Variants in LCA5L observed in about 807,000 individuals in gnomAD.
LCA5L encodes lebercilin-like protein.
A neutral mutation model predicts 45.4 loss-of-function variants in LCA5L; 35 were observed. The observed-to-expected ratio is 0.77, with a 90% CI of 0.59 to 1.02. The LOEUF is 1.02. Among genes scored for constraint, LCA5L ranks in the 50% least tolerant of loss-of-function variants. LCA5L has a pLI of 0.00. For synonymous variants in LCA5L, 233 were observed against 264.7 expected (o/e 0.88, Z 1.16); for missense variants, 668 against 761.6 (o/e 0.88, Z 1.45).
intron 3 of LCA5L, among the ~76,000 whole-genome samples, chr21:39,429,844 C>T (rs370859617): frequency 5.9e-5 from 9 of 152,190 alleles, no homozygotes; most frequent in East Asian, 5.8e-4. Context: ...ATGGCGAAAC[C>T]GTCTCTACAA....
Position 39,405,960 on chromosome 21 carries a change from G to A in LCA5L, c.1935C>T (p.Phe645=), listed in dbSNP as rs544366531. The change falls in exon 11 of 11, where the codon TTC becomes TTT. Residue 645 remains phenylalanine, a synonymous_variant. Coordinates refer to ENST00000288350, the MANE Select transcript of LCA5L (RefSeq NM_152505.4). ...PPSQASTSHA[F]GDSKVTVVNS... ...TTACCACAGTTACTTTAGAGTCTCC[G>A]AAAGCATGGCTGGTGGAGGCCTGAC... 64 of 1,613,978 alleles carry A rather than the reference G, an allele frequency of 4.0e-5. No individual in the cohort carries two copies. Among genetic ancestry groups the A allele is most frequent in the Middle Eastern group, 1.7e-4 (1 of 6,060 alleles).
intron 8 of LCA5L, chr21:39,411,259 A>G: frequency 4.8e-6 from 1 of 208,636 alleles, no homozygotes; most frequent in Non-Finnish European, 9.8e-6. Context: ...CTTCCTGGGG[A>G]GGTGGAAATA....
intron 7 of LCA5L, among the ~76,000 whole-genome samples, chr21:39,415,242 G>A (rs1334238151): frequency 6.6e-6 from 1 of 152,098 alleles, no homozygotes; most frequent in East Asian, 1.9e-4. Context: ...TGGGGCTTTG[G>A]CAGGGAGGGA....
At chr21:39,436,049 A>G (rs2076256444) in intron 2 of LCA5L, 1 of 152,226 alleles carries the variant, frequency 6.6e-6, no homozygotes, top group Non-Finnish European at 1.5e-5. Context: ...GGAGCCATAC[A>G]CAGCAGTGCC....
intron 5 of LCA5L, among the ~76,000 whole-genome samples, chr21:39,424,571 T>C (rs1047165593): frequency 6.6e-6 from 1 of 152,240 alleles, no homozygotes; most frequent in Non-Finnish European, 1.5e-5. Context: ...TTCTGTAGAT[T>C]ATCTGATGTA....
chr21:39,429,052 C>T (rs2075359693), intron 4 of LCA5L, 79 bp downstream of exon 4: 1 of 152,216 alleles, frequency 6.6e-6, no homozygotes. Context: ...AGTTACAAAG[C>T]AGATGGTTCT....
At chr21:39,438,468 C>T (rs965460074) in intron 2 of LCA5L, among the ~76,000 whole-genome samples, 2 of 152,116 alleles carry the variant, frequency 1.3e-5, no homozygotes, top group East Asian at 3.9e-4. Flanking sequence ...TATAAAACTT[C>T]CTTATAATTA....
chr21:39,412,632 G>A (rs779699978), intron 7 of LCA5L, among the ~76,000 whole-genome samples: 45 of 151,970 alleles, frequency 3.0e-4, no homozygotes, highest in Non-Finnish European at 5.0e-4. Context: ...GGGGTGGGGC[G>A]GGGAGAGAGA....
At chr21:39,422,804 C>T in intron 6 of LCA5L, 172 bp downstream of exon 6, 1 of 640,464 alleles carries the variant, frequency 1.6e-6, no homozygotes, top group Admixed American at 3.3e-5. Context: ...GTTTTTCCTT[C>T]AAACCACTCC....
chr21:39,406,592 G>A lies in LCA5L; in HGVS notation c.1303C>T (p.His435Tyr), dbSNP rs755761670. 2.5e-6 allele frequency: 4 copies of A among 1,583,974 alleles called. No individual in the cohort carries two copies. The East Asian group carries it at 8.9e-5, about 35-fold the overall frequency. Residue 435 changes from histidine to tyrosine, a missense_variant, in exon 11 of 11, where the codon CAT becomes TAT. Coordinates refer to ENST00000288350, the MANE Select transcript of LCA5L (RefSeq NM_152505.4). ...TCCAGCAGTATTTGGACTTCCAAAT[G>A]TTTCTCTTCCCCTGATAAATCTATA... is the stretch of plus-strand genomic sequence containing the variant. ...KYEDLSGEEK[H>Y]LEVQILLENT...
intron 2 of LCA5L, among the ~76,000 whole-genome samples, chr21:39,442,440 A>T (rs1209062845): frequency 2.6e-5 from 4 of 152,176 alleles, no homozygotes; most frequent in Admixed American, 6.5e-5. Context: ...TGGCATAATC[A>T]GCTCTGCCTT....
intron 3 of LCA5L, among the ~76,000 whole-genome samples, chr21:39,432,683 C>G (rs2075861436): frequency 6.6e-6 from 1 of 152,216 alleles, no homozygotes; most frequent in African/African-American, 2.4e-5. Flanking sequence ...GCGCCTCACT[C>G]CCAACCCAGG....
Position 39,410,009 on chromosome 21 carries a change from T to C in LCA5L, c.1252A>G (p.Lys418Glu), listed in dbSNP as rs558972566. ...EIPHCVNKLP[K>E]QEDSKRKYED... ...TATTTTCTCTTAGAATCCTCTTGCT[T>C]TGGTAGTTTATTCACACAGTGAGGA... Residue 418 changes from lysine (K) to glutamate (E), a missense_variant, in exon 10 of 11, where the codon AAG (lysine) becomes GAG (glutamate). Physicochemically the swap from Lys to Glu is moderately conservative, Grantham distance 56 (BLOSUM62 1). Coordinates refer to ENST00000288350, the MANE Select transcript of LCA5L (RefSeq NM_152505.4). 2 of 1,583,908 alleles carry C rather than the reference T, an allele frequency of 1.3e-6. No homozygotes were observed. Among genetic ancestry groups the C allele is most frequent in the Admixed American group, 3.4e-5 (2 of 59,514 alleles).
At chr21:39,420,522 C>CAAAAAAAAAAAAAAAAAAAAAAAAA (rs397972848) in intron 7 of LCA5L, among the ~76,000 whole-genome samples, 184 bp downstream of exon 7, 1 of 87,158 alleles carries the variant, frequency 1.1e-5, no homozygotes. Context: ...GATTCTATCT[C>CAAAAAAAAAAAAAAAAAAAAAAAAA]AAAAAAAAAA....
Position 39,420,802 on chromosome 21 carries a change from G to C in LCA5L, c.879C>G (p.Ser293Arg). ...KQLRLNCRAFSRQLAIETRKT... is the reference protein window; with the variant it reads ...KQLRLNCRAFRRQLAIETRKT... ...TCCGAGTCTCAATAGCCAGCTGCCG[G>C]CTAAAGGCTCTGCAGTTCAACCTCA... Residue 293 changes from serine (S) to arginine (R), a missense_variant, in exon 7 of 11, where the codon AGC becomes AGG. Physicochemically the swap from Ser to Arg is moderately radical, Grantham distance 110. Transcript: ENST00000288350. 6.2e-7 allele frequency: 1 copy of C among 1,612,940 alleles called. No homozygotes were observed.
chr21:39,421,219 C>T (rs988499025), intron 6 of LCA5L, among the ~76,000 whole-genome samples: 1 of 151,850 alleles, frequency 6.6e-6, no homozygotes, highest in Non-Finnish European at 1.5e-5. Flanking sequence ...TCTCCTGCCT[C>T]AGCCCCTGGG....
chr21:39,437,914 T>C (rs1192279844), intron 2 of LCA5L, among the ~76,000 whole-genome samples: 1 of 152,228 alleles, frequency 6.6e-6, no homozygotes, highest in East Asian at 1.9e-4. Flanking sequence ...TTTGTTCTTA[T>C]ATCAAAAGGA....
chr21:39,422,637 C>T (rs1033143808), intron 6 of LCA5L: 1 of 391,462 alleles, frequency 2.6e-6, no homozygotes, highest in Non-Finnish European at 4.5e-6. Context: ...AGAGGTTTCA[C>T]GTAACACAAT....
chr21:39,420,038 G>T (rs1381377196), intron 7 of LCA5L, among the ~76,000 whole-genome samples: 1 of 152,072 alleles, frequency 6.6e-6, no homozygotes, highest in Non-Finnish European at 1.5e-5. Context: ...ACATTAAAAT[G>T]TTAACAAACG....
Sources: gnomAD v4.1 joint callset for allele counts (sites outside exome capture counted in the v4.1 genomes callset) on GRCh38, gnomAD v4.1.1 for gene constraint, MANE v1.5 for transcripts, NCBI Gene and HGNC (gene_info 2026-07-23, HGNC 2026-07-21) for gene names.